The following CTNNAL1 variants were observed in gnomAD, a reference collection of about 807,000 sequenced individuals.
CTNNAL1 encodes alpha-catulin.
A neutral mutation model predicts 93.6 loss-of-function variants in CTNNAL1; 69 were observed. The ratio of observed to expected loss-of-function variants is 0.74; its 90% CI spans 0.61 to 0.90. CTNNAL1 has a LOEUF of 0.90. Ranked by LOEUF, CTNNAL1 falls within the 40% of genes least tolerant of loss-of-function variation. The probability of loss-of-function intolerance (pLI) is 0.00; values close to 1 mark genes in which losing one functional copy is unlikely to be tolerated. For missense variants in CTNNAL1, 836 were observed against 862.0 expected (o/e 0.97, Z 0.38); for synonymous variants, 286 against 305.4 (o/e 0.94, Z 0.66).
intron 1 of CTNNAL1, among the ~76,000 whole-genome samples, chr9:109,006,582 T>C (rs1407526150): frequency 6.6e-6 from 1 of 152,164 alleles, no homozygotes; most frequent in Non-Finnish European, 1.5e-5. Flanking sequence ...ATAGGAATGA[T>C]ATTAAATTGA....
Position 109,013,466 on chromosome 9 carries a change from G to C in CTNNAL1, c.-24C>G, listed in dbSNP as rs531521048. On this transcript the variant is annotated 5_prime_UTR_variant, in exon 1 of 19. Transcript: ENST00000325551. ...ATGGCCCTCGGTCTATCCCGCAGCC[G>C]GGACTCCGCGCCGCGGCGAGCCTGC... 2 of 1,353,544 alleles carry C rather than the reference G, an allele frequency of 1.5e-6. No individual in the cohort carries two copies. Among genetic ancestry groups the C allele is most frequent in the Non-Finnish European group, 1.9e-6 (2 of 1,046,556 alleles). The allele number at this position is 1,353,544 out of a possible 1,614,324, so 83.8% of individuals were successfully genotyped here.
At chr9:108,990,940 AT>A in intron 3 of CTNNAL1, 95 bp from the exon 4 acceptor site, 1 of 1,422,434 alleles carries the variant, frequency 7.0e-7, no homozygotes, top group Non-Finnish European at 9.4e-7. Flanking sequence ...AAAATTCTGA[AT>A]TCTAGGTGAA....
chr9:108,987,644 A>T (rs1249910624), intron 4 of CTNNAL1, among the ~76,000 whole-genome samples: 2 of 152,098 alleles, frequency 1.3e-5, no homozygotes, highest in East Asian at 3.9e-4. Context: ...CAAGATATTG[A>T]TTCTTCCTAC....
rs144680919 is a variant in CTNNAL1, at chr9:108,984,932, C to G, written c.640-496G>C. On this transcript the variant is annotated intron_variant, in intron 4 of 18. Coordinates refer to ENST00000325551, the MANE Select transcript of CTNNAL1 (RefSeq NM_003798.4). The stretch of plus-strand genomic sequence containing the variant: ...CAAATTGGGGTTCGTTTGTCTTAAT[C>G]TTAATCAATATGCTGCTCTGAAATA... Among the ~76,000 whole-genome samples, 5 of 152,330 alleles carry G rather than the reference C, an allele frequency of 3.3e-5. No homozygotes were observed. In the East Asian group the frequency reaches 9.6e-4, roughly 29 times the overall value.
intron 2 of CTNNAL1, among the ~76,000 whole-genome samples, chr9:108,996,040 C>A (rs572737811): frequency 1.3e-5 from 2 of 151,992 alleles, no homozygotes; most frequent in African/African-American, 2.4e-5. Context: ...CTGCTCACTG[C>A]AACCTCAACC....
At chr9:108,990,461 A>T (rs1435145120) in intron 4 of CTNNAL1, among the ~76,000 whole-genome samples, 1 of 152,198 alleles carries the variant, frequency 6.6e-6, no homozygotes, top group African/African-American at 2.4e-5. Flanking sequence ...AAATAAAAGG[A>T]AGAAGTACTT....
At chr9:108,989,763 A>C (rs1831729338) in intron 4 of CTNNAL1, among the ~76,000 whole-genome samples, 1 of 152,172 alleles carries the variant, frequency 6.6e-6, no homozygotes, top group South Asian at 2.1e-4. Flanking sequence ...TAAGGAACTA[A>C]TATTGGCTGG....
chr9:108,996,757 A>G (rs1832036703), intron 2 of CTNNAL1, among the ~76,000 whole-genome samples: 1 of 152,078 alleles, frequency 6.6e-6, no homozygotes, highest in Non-Finnish European at 1.5e-5. Context: ...TTGCAAAATG[A>G]AACAGTAATA....
chr9:108,972,864 G>GGGGGGGGCGCCCCCC, intron 8 of CTNNAL1, 31 bp from the exon 9 acceptor site: 3 of 142,556 alleles, frequency 2.1e-5, no homozygotes, highest in Non-Finnish European at 2.0e-5. Flanking sequence ...GGGGGGGTGG[G>GGGGGGGGCGCCCCCC]AGGGTGGAGA....
At chr9:108,987,040 C>T (rs563262502) in intron 4 of CTNNAL1, among the ~76,000 whole-genome samples, 9 of 152,234 alleles carry the variant, frequency 5.9e-5, no homozygotes, top group African/African-American at 2.2e-4. Flanking sequence ...TAATTAGATC[C>T]CATTTGTCAA....
intron 6 of CTNNAL1, 121 bp from the exon 7 acceptor site, chr9:108,979,602 G>A: frequency 2.3e-6 from 2 of 862,924 alleles, no homozygotes; most frequent in Non-Finnish European, 3.6e-6. Flanking sequence ...CAAGCTGAGG[G>A]GAAATACAGC....
intron 11 of CTNNAL1, among the ~76,000 whole-genome samples, chr9:108,960,401 CCAAA>C (rs1219993893): frequency 6.6e-6 from 1 of 152,138 alleles, no homozygotes; most frequent in Non-Finnish European, 1.5e-5. Context: ...CCTACCATCC[CCAAA>C]CAAACTCATC....
chr9:108,979,338 T>C lies in CTNNAL1; in HGVS notation c.1044A>G (p.Glu348=), dbSNP rs781327893. ...TSHEHRERIL[E]LSTQARMELQ... ...GTTCCATTCTCGCCTGAGTTGACAG[T>C]TCCAAGATGCGTTCTCTGTGCTCAT... Residue 348 remains glutamate (E), a synonymous_variant, in exon 7 of 19, where the codon GAA becomes GAG. Coordinates refer to ENST00000325551, the MANE Select transcript of CTNNAL1 (RefSeq NM_003798.4). The C allele has an allele frequency of 6.8e-6, 11 of 1,614,034 alleles. No individual in the cohort carries two copies. Among genetic ancestry groups the C allele is most frequent in the Non-Finnish European group, 9.3e-6 (11 of 1,180,012 alleles).
chr9:108,979,369 G>A lies in CTNNAL1; in HGVS notation c.1013C>T (p.Thr338Ile), dbSNP rs746047628. Residue 338 changes from threonine (T) to isoleucine (I), a missense_variant, in exon 7 of 19, where the codon ACC becomes ATC. Thr to Ile is a moderately conservative substitution (Grantham distance 89). Coordinates refer to ENST00000325551, the MANE Select transcript of CTNNAL1 (RefSeq NM_003798.4). The part of the protein sequence containing the change: ...RMEDFTDSAY[T>I]SHEHRERILE... ...GATGCGTTCTCTGTGCTCATGGCTG[G>A]TGTAGGCAGAATCAGTAAAGTCCTC... 2.5e-6 allele frequency: 4 copies of A among 1,614,156 alleles called. No homozygotes were observed. The highest frequency in any genetic ancestry group is 2.2e-5 in the East Asian group (1 of 44,874).
chr9:108,989,437 T>C (rs1759846), intron 4 of CTNNAL1, among the ~76,000 whole-genome samples: 141,441 of 151,920 alleles, frequency 0.93, 65,936 homozygotes, highest in East Asian at 1. Context: ...AATGAAACAA[T>C]AAAGTACCTG....
intron 10 of CTNNAL1, among the ~76,000 whole-genome samples, chr9:108,969,137 G>T (rs1260126941): frequency 6.6e-6 from 1 of 151,926 alleles, no homozygotes; most frequent in East Asian, 1.9e-4. Flanking sequence ...AGACGTGGTG[G>T]CATATGCCTG....
chr9:108,976,605 A>C (rs546444804), intron 8 of CTNNAL1, among the ~76,000 whole-genome samples: 1 of 151,784 alleles, frequency 6.6e-6, no homozygotes, highest in African/African-American at 2.4e-5. Flanking sequence ...ATCATGGCTC[A>C]CTGCAGCCTT....
chr9:108,952,372 C>G lies in CTNNAL1; in HGVS notation c.1681-9G>C. The G allele has an allele frequency of 3.1e-6, 5 of 1,614,156 alleles. No homozygotes were observed. Among genetic ancestry groups the G allele is most frequent in the Non-Finnish European group, 4.2e-6 (5 of 1,180,018 alleles). Reference sequence around the variant, plus strand: ...GCTATCTTGGCTTGCTCCTATGAAACAGACGTTTTAATCACAACGACTTTA... The same window carrying G: ...GCTATCTTGGCTTGCTCCTATGAAAGAGACGTTTTAATCACAACGACTTTA... On this transcript the variant is annotated splice_polypyrimidine_tract_variant and intron_variant, in intron 13 of 18. Coordinates refer to ENST00000325551, the MANE Select transcript of CTNNAL1 (RefSeq NM_003798.4).
chr9:108,971,125 A>G (rs76578880), intron 9 of CTNNAL1, among the ~76,000 whole-genome samples: 1 of 152,324 alleles, frequency 6.6e-6, no homozygotes, highest in East Asian at 1.9e-4. Context: ...AGCAGCATCA[A>G]ATTTATTAAA....
Sources: gnomAD v4.1 joint callset for allele counts (sites outside exome capture counted in the v4.1 genomes callset) on GRCh38, gnomAD v4.1.1 for gene constraint, MANE v1.5 for transcripts, NCBI Gene and HGNC (gene_info 2026-07-23, HGNC 2026-07-21) for gene names.